Variants in NEK11 observed in about 807,000 individuals in gnomAD.
NEK11 encodes the protein NIMA related kinase 11.
Under a neutral mutation model 80.7 loss-of-function variants are expected in NEK11, and 72 were observed. That is an observed-to-expected ratio of 0.89 (90% confidence interval 0.74 to 1.08). NEK11 has a LOEUF of 1.08. Among genes scored for constraint, NEK11 ranks in the 50% least tolerant of loss-of-function variants. NEK11 has a pLI of 0.00. For missense variants in NEK11, 764 were observed against 763.6 expected (o/e 1.00, Z -0.01); for synonymous variants, 251 against 260.7 (o/e 0.96, Z 0.36).
intron 16 of NEK11, among the ~76,000 whole-genome samples, chr3:131,260,651 T>G (rs2095900504): frequency 6.6e-6 from 1 of 152,174 alleles, no homozygotes; most frequent in Non-Finnish European, 1.5e-5. Context: ...GATAAAGGTT[T>G]GCTGACCTTG....
intron 17 of NEK11, chr3:131,329,331 A>AT (rs2097030851): frequency 6.6e-6 from 1 of 152,168 alleles, no homozygotes; most frequent in Admixed American, 6.5e-5. Flanking sequence ...GGATGCATAT[A>AT]TTTTTTAATA....
chr3:131,244,036 A>C (rs972671273), intron 16 of NEK11, among the ~76,000 whole-genome samples: 3 of 151,932 alleles, frequency 2.0e-5, no homozygotes, highest in Non-Finnish European at 4.4e-5. Context: ...ACTGAGATAC[A>C]CTCTAGCACT....
chr3:131,045,042 A>G (rs2067173811), intron 3 of NEK11, among the ~76,000 whole-genome samples: 1 of 152,204 alleles, frequency 6.6e-6, no homozygotes. Context: ...TAAGAAAATT[A>G]AGGCAGAAAT....
At chr3:131,157,408 C>T (rs754480828) in intron 10 of NEK11, among the ~76,000 whole-genome samples, 20 of 151,872 alleles carry the variant, frequency 1.3e-4, no homozygotes, top group East Asian at 3.9e-4. Context: ...ACAGTCTGGG[C>T]GGTGGGAAAA....
intron 5 of NEK11, among the ~76,000 whole-genome samples, chr3:131,119,924 C>A (rs1488009112): frequency 6.6e-6 from 1 of 152,176 alleles, no homozygotes; most frequent in African/African-American, 2.4e-5. Context: ...GGTCTTGACT[C>A]TTTATCCAAT....
intron 17 of NEK11, among the ~76,000 whole-genome samples, chr3:131,313,043 T>C (rs1423717840): frequency 6.6e-6 from 1 of 152,154 alleles, no homozygotes; most frequent in African/African-American, 2.4e-5. Flanking sequence ...GTTCTCATCA[T>C]TTAGCTTCCA....
At chr3:131,059,471 C>T (rs570201007) in intron 3 of NEK11, among the ~76,000 whole-genome samples, 1 of 152,256 alleles carries the variant, frequency 6.6e-6, no homozygotes, top group South Asian at 2.1e-4. Context: ...TAACCCATAA[C>T]AAATAAAACC....
chr3:131,111,699 G>C (rs571073309), intron 5 of NEK11, among the ~76,000 whole-genome samples: 1 of 151,858 alleles, frequency 6.6e-6, no homozygotes, highest in African/African-American at 2.4e-5. Flanking sequence ...AGTAATTGTG[G>C]TTTTTGCCAT....
chr3:131,173,262 C>T (rs1460867366), intron 14 of NEK11, among the ~76,000 whole-genome samples: 1 of 152,134 alleles, frequency 6.6e-6, no homozygotes, highest in African/African-American at 2.4e-5. Context: ...TGTGCGAGGT[C>T]CAAGAACCCT....
At chr3:131,344,820 G>A (rs924936847) in intron 17 of NEK11, among the ~76,000 whole-genome samples, 1 of 152,116 alleles carries the variant, frequency 6.6e-6, no homozygotes, top group East Asian at 1.9e-4. Context: ...GATCTTGTGA[G>A]AATTCATTCC....
chr3:131,214,728 A>G (rs200276776), intron 14 of NEK11, among the ~76,000 whole-genome samples: 3 of 109,550 alleles, frequency 2.7e-5, no homozygotes, highest in Admixed American at 1.0e-4. Flanking sequence ...TGTGTGTAGC[A>G]GGGAGTGGAG....
chr3:131,038,950 A>G (rs2066042897), intron 3 of NEK11, among the ~76,000 whole-genome samples: 1 of 152,216 alleles, frequency 6.6e-6, no homozygotes, highest in Non-Finnish European at 1.5e-5. Context: ...TGTATGAGAT[A>G]GGGGAATATC....
At chr3:131,348,849 G>A (rs77289574) in intron 17 of NEK11, among the ~76,000 whole-genome samples, 2,167 of 151,950 alleles carry the variant, frequency 0.014, 59 homozygotes, top group African/African-American at 0.05. Flanking sequence ...TGCCTCCTTC[G>A]TACAGCTGTT....
intron 11 of NEK11, among the ~76,000 whole-genome samples, chr3:131,164,063 T>G (rs2091950540): frequency 6.6e-6 from 1 of 152,230 alleles, no homozygotes; most frequent in African/African-American, 2.4e-5. Context: ...GAGGTGTCCT[T>G]GTACTTAGAA....
intron 4 of NEK11, among the ~76,000 whole-genome samples, chr3:131,084,593 A>G (rs80052620): frequency 7.2e-5 from 11 of 152,326 alleles, no homozygotes; most frequent in Admixed American, 1.3e-4. Flanking sequence ...GAGATCACAT[A>G]TCTTCAGGAG....
chr3:131,242,862 CA>C (rs1435829792), intron 15 of NEK11, among the ~76,000 whole-genome samples: 4 of 152,086 alleles, frequency 2.6e-5, no homozygotes, highest in African/African-American at 9.7e-5. Flanking sequence ...TATTTTTAAT[CA>C]AATACAGTTC....
chr3:131,298,555 T>A (rs2096626637), intron 17 of NEK11, among the ~76,000 whole-genome samples: 1 of 152,176 alleles, frequency 6.6e-6, no homozygotes, highest in African/African-American at 2.4e-5. Flanking sequence ...TTCTTATACT[T>A]GCATGATTTC....
chr3:131,268,182 A>T (rs758663484), intron 16 of NEK11, among the ~76,000 whole-genome samples: 1 of 152,128 alleles, frequency 6.6e-6, no homozygotes, highest in Non-Finnish European at 1.5e-5. Flanking sequence ...ACCTTTTATC[A>T]ACATTCTTAG....
chr3:131,188,817 A>T (rs943375178), intron 14 of NEK11, among the ~76,000 whole-genome samples: 1 of 152,052 alleles, frequency 6.6e-6, no homozygotes, highest in Non-Finnish European at 1.5e-5. Flanking sequence ...TCTACCCCAA[A>T]GTGTTTCATT....
Sources: allele counts gnomAD v4.1 joint callset (sites outside exome capture counted in the v4.1 genomes callset), GRCh38; gene constraint gnomAD v4.1.1; transcripts MANE v1.5; gene names NCBI Gene and HGNC (gene_info 2026-07-23, HGNC 2026-07-21).